The following USP34 variants were observed in gnomAD, a reference collection of about 807,000 sequenced individuals.
The protein encoded by USP34 is ubiquitin specific peptidase 34, also known as ubiquitin carboxyl-terminal hydrolase 34.
In USP34, 70 loss-of-function variants were observed where a neutral mutation model predicts 460.3. That is an observed-to-expected ratio of 0.15 (90% CI 0.13 to 0.19). The LOEUF (loss-of-function observed/expected upper bound fraction) is 0.19, where lower values mean the gene tolerates loss of function less well. Among genes scored for constraint, USP34 ranks in the 10% least tolerant of loss-of-function variants. The pLI is 1.00. For synonymous variants in USP34, 1,647 were observed against 1,405.3 expected (o/e 1.17, Z -3.85); for missense variants, 3,985 against 4,236.2 (o/e 0.94, Z 1.65).
intron 2 of USP34, among the ~76,000 whole-genome samples, chr2:61,411,375 T>A (rs1040151100): frequency 7.7e-6 from 1 of 129,662 alleles, no homozygotes. Flanking sequence ...ATCAAGATCC[T>A]GTCTCAAAAA....
In USP34 at chr2:61,371,444, T is replaced by TAA. The variant is rs34779019; in HGVS notation, c.1077-867_1077-866dup. Among the ~76,000 whole-genome samples the TAA allele has an allele frequency of 5.0e-3, 711 of 142,634 alleles. 2 individuals carry two copies. The highest frequency in any genetic ancestry group is 0.015 in the African/African-American group (599 of 38,778). 93.6% of individuals were successfully genotyped at this position (142,634 alleles called of 152,430 possible). A position where few individuals can be genotyped will look rare whatever the true frequency, so the allele number is the denominator to read the frequency against. ...AGCTCCATGTGTATTATTAAAAAGT[T>TAA]AAAAAAAAAAAAAGGAAAGAAAACA... On this transcript the variant is annotated intron_variant, in intron 8 of 79. Transcript: ENST00000398571.
intron 2 of USP34, among the ~76,000 whole-genome samples, chr2:61,408,962 G>C (rs1693960341): frequency 6.6e-6 from 1 of 152,138 alleles, no homozygotes; most frequent in African/African-American, 2.4e-5. Context: ...GTCTCAGCCT[G>C]TAATCCCACC....
At chr2:61,203,110 T>C in intron 75 of USP34, 30 bp downstream of exon 75, 1 of 1,516,218 alleles carries the variant, frequency 6.6e-7, no homozygotes, top group Non-Finnish European at 8.9e-7. Flanking sequence ...AATAATTCAG[T>C]GGAATTTACT....
chr2:61,190,244 G>C (rs1056646187), intron 78 of USP34, 27 bp downstream of exon 78: 1 of 1,581,468 alleles, frequency 6.3e-7, no homozygotes, highest in Non-Finnish European at 8.6e-7. Flanking sequence ...TTAAAAGTGT[G>C]TGCCGCCGCC....
At chr2:61,433,877 T>G (rs1395487202) in intron 1 of USP34, among the ~76,000 whole-genome samples, 1 of 152,106 alleles carries the variant, frequency 6.6e-6, no homozygotes, top group Non-Finnish European at 1.5e-5. Context: ...CTGCAGCACT[T>G]CAGCTCCATC....
chr2:61,310,387 A>G (rs1690549054), intron 27 of USP34, among the ~76,000 whole-genome samples: 1 of 152,128 alleles, frequency 6.6e-6, no homozygotes, highest in Non-Finnish European at 1.5e-5. Flanking sequence ...TTATTACTAT[A>G]TAGTGAACTA....
intron 37 of USP34, among the ~76,000 whole-genome samples, chr2:61,282,920 T>C (rs1250647052): frequency 1.3e-5 from 2 of 152,236 alleles, no homozygotes; most frequent in African/African-American, 4.8e-5. Context: ...ATAATCATTC[T>C]ATAAACATTT....
chr2:61,286,015 G>A lies in USP34; in HGVS notation c.4750-1058C>T, dbSNP rs1202829829. Reference sequence around the variant, plus strand: ...GCCACAGAAAACATGGTTAACACAAGTATATACAATGTGCAAATAAGCAAA... The same window carrying A: ...GCCACAGAAAACATGGTTAACACAAATATATACAATGTGCAAATAAGCAAA... On this transcript the variant is annotated intron_variant, in intron 34 of 79. Coordinates refer to ENST00000398571, the MANE Select transcript of USP34 (RefSeq NM_014709.4). Among the ~76,000 whole-genome samples the A allele has an allele frequency of 2.6e-5, 4 of 152,184 alleles. No homozygotes were observed. The South Asian group carries it at 6.2e-4, about 24-fold the overall frequency.
At chr2:61,249,338 G>A (rs1190756317) in intron 48 of USP34, among the ~76,000 whole-genome samples, 1 of 152,220 alleles carries the variant, frequency 6.6e-6, no homozygotes, top group Non-Finnish European at 1.5e-5. Flanking sequence ...AGTGACTAAT[G>A]AACAAGTAGT....
intron 48 of USP34, 26 bp downstream of exon 48, chr2:61,256,358 T>TA (rs1688724847): frequency 6.3e-7 from 1 of 1,579,588 alleles, no homozygotes; most frequent in South Asian, 1.1e-5. Flanking sequence ...GTGAACATAA[T>TA]AAAAATCACA....
chr2:61,321,262 G>A (rs1690912672), intron 21 of USP34, among the ~76,000 whole-genome samples: 1 of 151,980 alleles, frequency 6.6e-6, no homozygotes, highest in African/African-American at 2.4e-5. Flanking sequence ...CATGAGGTCA[G>A]GAGATCAAGA....
intron 41 of USP34, among the ~76,000 whole-genome samples, chr2:61,275,552 G>C (rs1016333256): frequency 1.3e-5 from 2 of 151,988 alleles, no homozygotes; most frequent in East Asian, 1.9e-4. Context: ...TGATCTAGTA[G>C]TTCAAGGCTG....
intron 19 of USP34, among the ~76,000 whole-genome samples, chr2:61,333,041 C>T (rs1457248004): frequency 1.3e-5 from 2 of 151,948 alleles, no homozygotes; most frequent in East Asian, 1.9e-4. Flanking sequence ...TTCAACAAGT[C>T]GAATTTTCCC....
chr2:61,424,353 A>G (rs1413068842), intron 1 of USP34, among the ~76,000 whole-genome samples: 2 of 152,136 alleles, frequency 1.3e-5, no homozygotes, highest in Non-Finnish European at 2.9e-5. Context: ...TAACCTTACG[A>G]CCACTGTCCT....
chr2:61,394,549 AAAAAAAAAAT>A (rs1258991788), intron 5 of USP34, among the ~76,000 whole-genome samples: 2 of 62,788 alleles, frequency 3.2e-5, no homozygotes, highest in African/African-American at 1.0e-4. Flanking sequence ...AAAAAAAAAA[AAAAAAAAAAT>A]AAGTTAAAAA....
chr2:61,287,363 C>G (rs576960167), intron 34 of USP34, among the ~76,000 whole-genome samples: 3 of 152,164 alleles, frequency 2.0e-5, no homozygotes, highest in Non-Finnish European at 4.4e-5. Context: ...GACTCACTGA[C>G]GGAGATGTTG....
At position 61,355,978 on chromosome 2, in the gene USP34, A is replaced by G. The variant is rs1373350091; in HGVS notation, c.1252-5285T>C. Reference sequence around the variant, plus strand: ...GCTATACTAACATCAAATAAGATACAATTTAAATTTTAAAAAGGTTACCAG... The same window carrying G: ...GCTATACTAACATCAAATAAGATACGATTTAAATTTTAAAAAGGTTACCAG... On this transcript the variant is annotated intron_variant, in intron 10 of 79. Transcript: ENST00000398571. Among the ~76,000 whole-genome samples, 4 of 152,176 alleles carry G rather than the reference A, an allele frequency of 2.6e-5. No homozygotes were observed. The East Asian group carries it at 7.7e-4, about 29-fold the overall frequency.
chr2:61,265,637 C>A, intron 42 of USP34, 80 bp from the exon 43 acceptor site: 1 of 1,382,668 alleles, frequency 7.2e-7, no homozygotes, highest in Non-Finnish European at 9.7e-7. Context: ...TTAACAGCCT[C>A]TACCTCCATT....
chr2:61,452,435 G>A (rs958583122), intron 1 of USP34, among the ~76,000 whole-genome samples: 14 of 146,482 alleles, frequency 9.6e-5, no homozygotes, highest in Non-Finnish European at 1.6e-4. Flanking sequence ...AGAGATTCTC[G>A]TGCCTCAGCC....
Sources: allele counts gnomAD v4.1 joint callset (sites outside exome capture counted in the v4.1 genomes callset), GRCh38; gene constraint gnomAD v4.1.1; transcripts MANE v1.5; gene names NCBI Gene and HGNC (gene_info 2026-07-23, HGNC 2026-07-21).